The following TCAIM variants were observed in gnomAD, a reference collection of about 807,000 sequenced individuals.
TCAIM encodes T cell activation inhibitor, mitochondrial, also known as T-cell activation inhibitor, mitochondrial.
A neutral mutation model predicts 58.6 loss-of-function variants in TCAIM; 36 were observed. The observed-to-expected ratio is 0.61, with a 90% CI of 0.47 to 0.81. The LOEUF is 0.81. TCAIM is among the 30% of genes least tolerant of loss of function. The pLI, the probability that TCAIM is intolerant of heterozygous loss-of-function variation, is 0.00. For synonymous variants in TCAIM, 172 were observed against 193.6 expected, an observed-to-expected ratio of 0.89 and a Z score of 0.93; for missense variants, 466 against 579.6, an observed-to-expected ratio of 0.80 and a Z score of 2.01.
chr3:44,367,199 A>G (rs1701394013), intron 4 of TCAIM, among the ~76,000 whole-genome samples: 1 of 152,234 alleles, frequency 6.6e-6, no homozygotes, highest in Non-Finnish European at 1.5e-5. Context: ...GAGCCAAACT[A>G]GAAAATGGAG....
At chr3:44,401,070 A>G in intron 9 of TCAIM, 133 bp from the exon 10 acceptor site, 1 of 1,305,240 alleles carries the variant, frequency 7.7e-7, no homozygotes, top group Non-Finnish European at 1.0e-6. Flanking sequence ...GCTTTAAGTC[A>G]ATGTTGCTGT....
chr3:44,341,692 T>C (rs1700857097), intron 1 of TCAIM, among the ~76,000 whole-genome samples: 1 of 152,140 alleles, frequency 6.6e-6, no homozygotes, highest in Non-Finnish European at 1.5e-5. Flanking sequence ...AATTATGCCA[T>C]TTTTTAATAC....
At chr3:44,393,100 A>G in intron 6 of TCAIM, 123 bp downstream of exon 6, 1 of 777,580 alleles carries the variant, frequency 1.3e-6, no homozygotes, top group Non-Finnish European at 2.1e-6. Flanking sequence ...CTCTTCAATT[A>G]TCTTTATGAA....
At chr3:44,382,531 T>C (rs1038480783) in intron 5 of TCAIM, among the ~76,000 whole-genome samples, 3 of 152,216 alleles carry the variant, frequency 2.0e-5, no homozygotes, top group African/African-American at 7.2e-5. Flanking sequence ...CAAATGGTAC[T>C]GGGAAAACTG....
chr3:44,401,569 A>C (rs186736834), intron 10 of TCAIM, among the ~76,000 whole-genome samples: 1 of 152,378 alleles, frequency 6.6e-6, no homozygotes, highest in East Asian at 1.9e-4. Context: ...AATGAAAAAT[A>C]AGAATATCAG....
At chr3:44,388,226 A>G (rs1559578887) in intron 5 of TCAIM, among the ~76,000 whole-genome samples, 1 of 152,140 alleles carries the variant, frequency 6.6e-6, no homozygotes, top group Non-Finnish European at 1.5e-5. Context: ...TAACCCAGAG[A>G]TATTATTCAA....
chr3:44,399,893 T>C (rs1701995702), intron 8 of TCAIM, among the ~76,000 whole-genome samples: 1 of 152,228 alleles, frequency 6.6e-6, no homozygotes, highest in South Asian at 2.1e-4. Context: ...AGTGTCCAGC[T>C]CAGTGCTTAC....
intron 1 of TCAIM, among the ~76,000 whole-genome samples, chr3:44,346,120 C>T (rs1277547102): frequency 1.3e-5 from 2 of 152,146 alleles, no homozygotes; most frequent in Non-Finnish European, 2.9e-5. Context: ...ATTGTCCAGT[C>T]CTTTTTAAGT....
intron 1 of TCAIM, among the ~76,000 whole-genome samples, chr3:44,352,896 C>T (rs1170485997): frequency 2.0e-5 from 3 of 149,530 alleles, no homozygotes; most frequent in African/African-American, 7.4e-5. Context: ...TGGAATCATA[C>T]AGTATACAGC....
rs1474765105 is a variant in TCAIM, at chr3:44,408,942, ACCAAC to A, written c.*1265_*1269del. The A allele has an allele frequency of 6.6e-6, 1 of 152,052 alleles. No homozygotes were observed. The highest frequency in any genetic ancestry group is 1.5e-5 in the Non-Finnish European group (1 of 68,018). 9.4% of individuals were successfully genotyped at this position (152,052 alleles called of 1,614,324 possible). A position where few individuals can be genotyped will look rare whatever the true frequency, so the allele number is the denominator to read the frequency against. ...AAGATACCTTCGGGCAATATTTTTAACCAACCCAAAAGCTCTTCAGGTCATTTCTG... is the reference window on the plus strand; with the variant it reads ...AAGATACCTTCGGGCAATATTTTTAACCAAAAGCTCTTCAGGTCATTTCTG... On this transcript the variant is annotated 3_prime_UTR_variant, in exon 11 of 11. Transcript: ENST00000342649.
chr3:44,340,590 G>A (rs1169376489), intron 1 of TCAIM: 1 of 152,170 alleles, frequency 6.6e-6, no homozygotes, highest in African/African-American at 2.4e-5. Flanking sequence ...ATCCAAGTTT[G>A]TATTAAATAA....
chr3:44,398,249 C>T (rs73090462), intron 8 of TCAIM, among the ~76,000 whole-genome samples: 355 of 151,962 alleles, frequency 2.3e-3, no homozygotes, highest in Non-Finnish European at 3.8e-3. Flanking sequence ...CACAGTAAAA[C>T]GCCGTCTCTA....
intron 4 of TCAIM, among the ~76,000 whole-genome samples, chr3:44,365,754 CGCGT>C (rs1339993111): frequency 2.0e-5 from 3 of 152,186 alleles, no homozygotes; most frequent in Non-Finnish European, 4.4e-5. Flanking sequence ...GCCCTAGCCC[CGCGT>C]GCTTATTGAG....
At chr3:44,350,097 G>A (rs1440084119) in intron 1 of TCAIM, among the ~76,000 whole-genome samples, 1 of 152,086 alleles carries the variant, frequency 6.6e-6, no homozygotes, top group Non-Finnish European at 1.5e-5. Flanking sequence ...TTAATCACCT[G>A]GGTGCAGGCA....
rs1169417099 is a variant in TCAIM, at chr3:44,372,006, G to GAA, written c.572+4299_572+4300insAA. ...TAATAGAGAGAGAGAGAGAGAGAAA[G>GAA]AGAGAAGGAAGGAAGGAAGGAAGGA... On this transcript the variant is annotated intron_variant, in intron 5 of 10. Coordinates refer to ENST00000342649, the MANE Select transcript of TCAIM (RefSeq NM_173826.4). 2.1e-5 allele frequency among the ~76,000 whole-genome samples: 3 copies of GAA among 140,594 alleles called. No individual in the cohort carries two copies. In the East Asian group the frequency reaches 6.1e-4, roughly 29 times the overall value. The allele number at this position is 140,594 out of a possible 152,430, so 92.2% of individuals were successfully genotyped here. A position where few individuals can be genotyped will look rare whatever the true frequency, so the allele number is the denominator to read the frequency against.
chr3:44,382,048 C>T (rs1005630244), intron 5 of TCAIM, among the ~76,000 whole-genome samples: 3 of 152,118 alleles, frequency 2.0e-5, no homozygotes, highest in African/African-American at 7.2e-5. Flanking sequence ...GATGTCAATA[C>T]CCAAAGCAAG....
chr3:44,354,390 T>C (rs1049464605), intron 1 of TCAIM, among the ~76,000 whole-genome samples: 1 of 152,230 alleles, frequency 6.6e-6, no homozygotes, highest in Admixed American at 6.5e-5. Flanking sequence ...TTGGCTACTC[T>C]CTGGGTCTTT....
At chr3:44,338,542 G>C (rs922735954), upstream of TCAIM, 5 of 152,738 alleles carry the variant, frequency 3.3e-5, no homozygotes, top group Admixed American at 2.6e-4. Context: ...GCCGCCGCCG[G>C]AGCGGGGAGG....
At chr3:44,406,518 C>T (rs1258444491) in intron 10 of TCAIM, among the ~76,000 whole-genome samples, 4 of 151,860 alleles carry the variant, frequency 2.6e-5, no homozygotes, top group Non-Finnish European at 4.4e-5. Context: ...AAAAAGCAAA[C>T]AGCACTTAAG....
Sources: allele counts gnomAD v4.1 joint callset (sites outside exome capture counted in the v4.1 genomes callset), GRCh38; gene constraint gnomAD v4.1.1; transcripts MANE v1.5; gene names NCBI Gene and HGNC (gene_info 2026-07-23, HGNC 2026-07-21).